The following CTNNA3 variants were observed in gnomAD, a reference collection of about 807,000 sequenced individuals.
The protein encoded by CTNNA3 is catenin alpha-3.
In CTNNA3, 76 loss-of-function variants were observed where a neutral mutation model predicts 95.7. The ratio of observed to expected loss-of-function variants is 0.79; its 90% CI spans 0.66 to 0.96. The LOEUF (loss-of-function observed/expected upper bound fraction) is 0.96. Ranked by LOEUF, CTNNA3 falls within the 40% of genes least tolerant of loss-of-function variation. CTNNA3 has a pLI of 0.00. For synonymous variants in CTNNA3, 431 were observed against 374.4 expected, an observed-to-expected ratio of 1.15 and a Z score of -1.74; for missense variants, 1,191 against 1,089.8, an observed-to-expected ratio of 1.09 and a Z score of -1.31.
chr10:66,685,309 G>T (rs12265677), intron 9 of CTNNA3, among the ~76,000 whole-genome samples: 1 of 28,880 alleles, frequency 3.5e-5, no homozygotes, highest in Non-Finnish European at 5.2e-5. Context: ...GTATATATAT[G>T]TGTGTGTGTA....
At chr10:67,321,135 T>G (rs1194932878) in intron 5 of CTNNA3, among the ~76,000 whole-genome samples, 1 of 152,212 alleles carries the variant, frequency 6.6e-6, no homozygotes, top group Non-Finnish European at 1.5e-5. Flanking sequence ...ATCATGATAT[T>G]GTTAAAAACT....
At chr10:66,929,249 CA>C (rs1847238406) in intron 7 of CTNNA3, among the ~76,000 whole-genome samples, 1 of 152,158 alleles carries the variant, frequency 6.6e-6, no homozygotes, top group African/African-American at 2.4e-5. Context: ...ATAAATGAAA[CA>C]GCATTGAGAA....
chr10:66,299,129 T>C (rs1203499923), intron 12 of CTNNA3, among the ~76,000 whole-genome samples: 2 of 152,198 alleles, frequency 1.3e-5, no homozygotes, highest in Non-Finnish European at 2.9e-5. Context: ...CCCGCCTTTC[T>C]AGACGGAACC....
chr10:67,021,367 T>C (rs116933734), intron 7 of CTNNA3, among the ~76,000 whole-genome samples: 3,733 of 152,230 alleles, frequency 0.025, 63 homozygotes, highest in Non-Finnish European at 0.038. Flanking sequence ...AATAAATCAG[T>C]AAATAATACT....
At chr10:67,493,955 A>G (rs1302381115) in intron 5 of CTNNA3, among the ~76,000 whole-genome samples, 1 of 152,204 alleles carries the variant, frequency 6.6e-6, no homozygotes, top group Non-Finnish European at 1.5e-5. Context: ...ATGAGTAGAA[A>G]AAAATGAAAA....
chr10:66,896,983 T>C (rs2132511374), intron 7 of CTNNA3, among the ~76,000 whole-genome samples: 1 of 152,284 alleles, frequency 6.6e-6, no homozygotes, highest in Non-Finnish European at 1.5e-5. Flanking sequence ...CATCTGAAGC[T>C]CCATTCTGAC....
intron 1 of CTNNA3, among the ~76,000 whole-genome samples, chr10:67,727,635 A>G (rs535828909): frequency 3.6e-4 from 46 of 128,564 alleles, no homozygotes; most frequent in Non-Finnish European, 6.4e-4. Context: ...TCTATTATAT[A>G]TTATATATTA....
intron 7 of CTNNA3, among the ~76,000 whole-genome samples, chr10:67,055,461 G>GT (rs1855366039): frequency 6.6e-6 from 1 of 152,138 alleles, no homozygotes. Flanking sequence ...AAGCAAATAG[G>GT]TAGGTGTTGT....
At chr10:66,404,288 T>G (rs962909845) in intron 11 of CTNNA3, among the ~76,000 whole-genome samples, 29 of 152,240 alleles carry the variant, frequency 1.9e-4, no homozygotes, top group African/African-American at 7.0e-4. Context: ...CTTCCAAGCC[T>G]TCAGAGAGGC....
chr10:66,107,634 C>A (rs1335867308), intron 13 of CTNNA3, among the ~76,000 whole-genome samples: 1 of 151,988 alleles, frequency 6.6e-6, no homozygotes, highest in African/African-American at 2.4e-5. Context: ...ATATATATAT[C>A]CTTTTTCCCA....
intron 7 of CTNNA3, among the ~76,000 whole-genome samples, chr10:67,148,607 A>G (rs1860946747): frequency 6.6e-6 from 1 of 152,234 alleles, no homozygotes; most frequent in African/African-American, 2.4e-5. Flanking sequence ...CCCAATAAGC[A>G]TAGAGAAATG....
chr10:67,446,727 A>C (rs944561416), intron 5 of CTNNA3, among the ~76,000 whole-genome samples: 1 of 152,190 alleles, frequency 6.6e-6, no homozygotes, highest in African/African-American at 2.4e-5. Context: ...GAATATAGAC[A>C]TCAAGGGAGA....
At chr10:66,930,930 C>T (rs1847351553) in intron 7 of CTNNA3, among the ~76,000 whole-genome samples, 1 of 152,090 alleles carries the variant, frequency 6.6e-6, no homozygotes, top group African/African-American at 2.4e-5. Flanking sequence ...CTGTAATTCT[C>T]AGTATCTTCT....
chr10:67,188,510 T>C (rs1351083984), intron 6 of CTNNA3, among the ~76,000 whole-genome samples: 1 of 152,142 alleles, frequency 6.6e-6, no homozygotes, highest in Non-Finnish European at 1.5e-5. Flanking sequence ...ATGACAAAGA[T>C]GTAGAGAAAA....
chr10:67,597,887 G>T (rs1842973791), intron 3 of CTNNA3, among the ~76,000 whole-genome samples: 1 of 152,200 alleles, frequency 6.6e-6, no homozygotes, highest in Non-Finnish European at 1.5e-5. Flanking sequence ...GTGCACACTG[G>T]TGAGGGCCCA....
intron 7 of CTNNA3, among the ~76,000 whole-genome samples, chr10:66,974,646 G>A (rs141380377): frequency 0.011 from 1,642 of 152,172 alleles, 23 homozygotes; most frequent in Non-Finnish European, 0.013. Flanking sequence ...AGTTTCATTG[G>A]TTCATATCAT....
At chr10:67,300,297 TG>T (rs1299480633) in intron 5 of CTNNA3, among the ~76,000 whole-genome samples, 2 of 152,256 alleles carry the variant, frequency 1.3e-5, no homozygotes, top group African/African-American at 2.4e-5. Context: ...GGCCACCAGC[TG>T]GTCTCCATCA....
At chr10:66,255,656 T>G (rs2090740271) in intron 13 of CTNNA3, among the ~76,000 whole-genome samples, 1 of 152,146 alleles carries the variant, frequency 6.6e-6, no homozygotes, top group Admixed American at 6.5e-5. Context: ...AAACAGATAC[T>G]TTATCCTCCT....
At chr10:66,387,862 G>A (rs890667168) in intron 11 of CTNNA3, among the ~76,000 whole-genome samples, 1 of 152,040 alleles carries the variant, frequency 6.6e-6, no homozygotes, top group Admixed American at 6.6e-5. Flanking sequence ...ACCAAACACC[G>A]CATATTCTCA....
Sources: gnomAD v4.1 joint callset for allele counts (sites outside exome capture counted in the v4.1 genomes callset) on GRCh38, gnomAD v4.1.1 for gene constraint, MANE v1.5 for transcripts, NCBI Gene and HGNC (gene_info 2026-07-23, HGNC 2026-07-21) for gene names.